Variants in TKTL1 observed in about 807,000 individuals in gnomAD.
TKTL1 encodes transketolase like 1, also known as transketolase-like protein 1.
TKTL1 carries 1 observed loss-of-function variant against 39.3 expected under a neutral mutation model. That is an observed-to-expected ratio of 0.03 (90% confidence interval 0.01 to 0.12). TKTL1 has a LOEUF of 0.12. Among genes scored for constraint, TKTL1 ranks in the 10% least tolerant of loss-of-function variants. TKTL1 has a pLI of 1.00. For synonymous variants in TKTL1, 262 were observed against 193.8 expected (o/e 1.35, Z -2.92); for missense variants, 575 against 509.6 (o/e 1.13, Z -1.24).
intron 5 of TKTL1, 48 bp downstream of exon 5, chrX:154,311,286 C>T (rs782606868): frequency 1.9e-5 from 23 of 1,203,190 alleles, no homozygotes; most frequent in South Asian, 5.3e-5. Context: ...AGCATCTGTC[C>T]GCTCAGCAGC....
chrX:154,319,085 C>G (rs1557170075), intron 7 of TKTL1, among the ~76,000 whole-genome samples: 1 of 111,128 alleles, frequency 9.0e-6, no homozygotes, highest in Non-Finnish European at 1.9e-5. Context: ...GCATTGAGAA[C>G]AGATTCTATT....
In TKTL1 at chrX:154,323,066, G is replaced by A. The variant is rs782570653; in HGVS notation, c.1187-141G>A. ...TGTAAATGAGTTGTGAGGATGCAGCGGGACCATTTATGGGGCTCTGCTACA... is the reference window on the plus strand; with the variant it reads ...TGTAAATGAGTTGTGAGGATGCAGCAGGACCATTTATGGGGCTCTGCTACA... On this transcript the variant is annotated intron_variant, in intron 8 of 12. Transcript: ENST00000369915. 5.9e-4 allele frequency: 425 copies of A among 719,600 alleles called. 3 individuals carry two copies. The South Asian group carries it at 0.011, about 19-fold the overall frequency. 59.3% of individuals were successfully genotyped at this position (719,600 alleles called of 1,213,427 possible). A position where few individuals can be genotyped will look rare whatever the true frequency, so the allele number is the denominator to read the frequency against.
chrX:154,320,850 C>G lies in TKTL1; in HGVS notation c.1123C>G (p.Arg375Gly). 1 of 1,211,151 alleles carries G rather than the reference C, an allele frequency of 8.3e-7. No individual in the cohort carries two copies. Among genetic ancestry groups the G allele is most frequent in the Non-Finnish European group, 1.1e-6 (1 of 895,042 alleles). The change falls in exon 8 of 13, where the codon CGG becomes GGG. Residue 375 changes from arginine to glycine, a missense_variant. Coordinates refer to ENST00000369915, the MANE Select transcript of TKTL1 (RefSeq NM_012253.4). Reference sequence around the variant, plus strand: ...TCTGACTCGAGCATTTGATCACATCCGGATAGGAGGCCTCGCTGAGAGCAA... The same window carrying G: ...TCTGACTCGAGCATTTGATCACATCGGGATAGGAGGCCTCGCTGAGAGCAA... ...AFLTRAFDHI[R>G]IGGLAESNIN...
chrX:154,307,250 C>T (rs1166526622), intron 2 of TKTL1, among the ~76,000 whole-genome samples: 1 of 111,626 alleles, frequency 9.0e-6, no homozygotes, highest in Non-Finnish European at 1.9e-5. Context: ...TGTCATATAA[C>T]AGCTGCTATC....
chrX:154,302,961 C>G (rs1334705355), intron 1 of TKTL1, among the ~76,000 whole-genome samples: 14 of 110,668 alleles, frequency 1.3e-4, no homozygotes, highest in African/African-American at 4.6e-4. Flanking sequence ...TCCCCTAGGA[C>G]CTAGGGAGAG....
intron 7 of TKTL1, chrX:154,320,541 C>G (rs2067440734): frequency 2.4e-6 from 1 of 420,787 alleles, no homozygotes; most frequent in East Asian, 3.8e-5. Flanking sequence ...AGTCTCATCT[C>G]TTGCTCCCTA....
intron 1 of TKTL1, among the ~76,000 whole-genome samples, chrX:154,299,149 C>CT (rs1180562974): frequency 0.013 from 476 of 35,702 alleles, 4 homozygotes; most frequent in Middle Eastern, 0.039. Context: ...CTTTTTCTTT[C>CT]TTTTTTTTTT....
intron 3 of TKTL1, 29 bp downstream of exon 3, chrX:154,309,471 C>T (rs782034853): frequency 8.9e-7 from 1 of 1,123,426 alleles, no homozygotes. Flanking sequence ...AGCCATTTAA[C>T]TGCCCTACAT....
intron 8 of TKTL1, among the ~76,000 whole-genome samples, chrX:154,321,613 C>T (rs2067451900): frequency 9.2e-6 from 1 of 108,357 alleles, no homozygotes; most frequent in African/African-American, 3.4e-5. Flanking sequence ...CTCCGGGATT[C>T]CTCACTTGGG....
chrX:154,322,360 C>CT (rs2148080546), intron 8 of TKTL1, among the ~76,000 whole-genome samples: 1 of 109,593 alleles, frequency 9.1e-6, no homozygotes, highest in East Asian at 2.9e-4. Flanking sequence ...GGTGAAACCC[C>CT]ATCTCTACTA....
At chrX:154,324,052 A>G (rs781830853) in intron 9 of TKTL1, among the ~76,000 whole-genome samples, 1 of 109,586 alleles carries the variant, frequency 9.1e-6, no homozygotes, top group African/African-American at 3.3e-5. Flanking sequence ...CTTTCCAAGC[A>G]CTCATGGGCG....
At position 154,310,858 on chromosome X, in the gene TKTL1, A is replaced by G. The variant is rs782226756; in HGVS notation, c.373A>G (p.Ser125Gly). The change falls in exon 4 of 13, where the codon AGT becomes GGT. Residue 125 changes from serine (S) to glycine (G), a missense_variant. Physicochemically the swap from Ser to Gly is moderately conservative, Grantham distance 56. Coordinates refer to ENST00000369915, the MANE Select transcript of TKTL1 (RefSeq NM_012253.4). ...CAGCTACCGGGTGTTCTGCCTCATG[A>G]GTGATGGCGAGTCCTCAGAAGGCTC... The part of the protein sequence containing the change: ...RASYRVFCLM[S>G]DGESSEGSVW... 16 of 1,209,183 alleles carry G rather than the reference A, an allele frequency of 1.3e-5. No homozygotes were observed. In the Admixed American group the frequency reaches 3.3e-4, roughly 25 times the overall value.
At chrX:154,297,146 C>T (rs377351172) in intron 1 of TKTL1, among the ~76,000 whole-genome samples, 2 of 111,703 alleles carry the variant, frequency 1.8e-5, no homozygotes, top group East Asian at 2.8e-4. Flanking sequence ...TAAAAGAAAC[C>T]GGGAATTGAG....
At chrX:154,312,806 G>C in intron 6 of TKTL1, 33 bp downstream of exon 6, 2 of 1,147,459 alleles carry the variant, frequency 1.7e-6, no homozygotes, top group Non-Finnish European at 2.4e-6. Flanking sequence ...GAATAAATCA[G>C]ATACGTCAAC....
At chrX:154,314,085 C>G (rs782249108) in intron 6 of TKTL1, among the ~76,000 whole-genome samples, 2 of 110,819 alleles carry the variant, frequency 1.8e-5, no homozygotes, top group Non-Finnish European at 3.8e-5. Context: ...GGATCAATAG[C>G]CCTAGAAAAA....
intron 7 of TKTL1, chrX:154,320,531 A>G (rs1355278394): frequency 4.9e-6 from 2 of 408,210 alleles, no homozygotes; most frequent in Non-Finnish European, 8.5e-6. Context: ...CAGGCAAGAG[A>G]GTCTCATCTC....
In TKTL1 at chrX:154,320,882, C is replaced by T. The variant is rs1557170557; in HGVS notation, c.1155C>T (p.Asn385=). The change falls in exon 8 of 13, where the codon AAC becomes AAT. Residue 385 remains asparagine, a synonymous_variant. Coordinates refer to ENST00000369915, the MANE Select transcript of TKTL1 (RefSeq NM_012253.4). ...GAGGCCTCGCTGAGAGCAACATCAA[C>T]ATTATTGGTTCCCACTGTGGGGTAT... The part of the protein sequence containing the change: ...RIGGLAESNI[N]IIGSHCGVSV... The T allele has an allele frequency of 8.3e-7, 1 of 1,211,732 alleles. No homozygotes were observed. Among genetic ancestry groups the T allele is most frequent in the Non-Finnish European group, 1.1e-6 (1 of 895,388 alleles).
chrX:154,323,467 C>G, intron 9 of TKTL1, 130 bp downstream of exon 9: 1 of 799,077 alleles, frequency 1.3e-6, no homozygotes, highest in Non-Finnish European at 1.8e-6. Context: ...TGATAGAATT[C>G]TTTACAAAAA....
At chrX:154,324,080 T>G (rs1178985373) in intron 9 of TKTL1, among the ~76,000 whole-genome samples, 1 of 112,388 alleles carries the variant, frequency 8.9e-6, no homozygotes, top group Non-Finnish European at 1.9e-5. Flanking sequence ...GATTTTTTTT[T>G]TTATAAGTGG....
Sources: gnomAD v4.1 joint callset for allele counts (sites outside exome capture counted in the v4.1 genomes callset) on GRCh38, gnomAD v4.1.1 for gene constraint, MANE v1.5 for transcripts, NCBI Gene and HGNC (gene_info 2026-07-23, HGNC 2026-07-21) for gene names.